Variants in ANXA4 observed in about 807,000 individuals in gnomAD.
The protein encoded by ANXA4 is 35-beta calcimedin.
In ANXA4, 39 loss-of-function variants were observed where a neutral mutation model predicts 49.8. That is an observed-to-expected ratio of 0.78 (90% confidence interval 0.61 to 1.02). The LOEUF (loss-of-function observed/expected upper bound fraction) is 1.02. Among genes scored for constraint, ANXA4 ranks in the 50% least tolerant of loss-of-function variants. ANXA4 has a pLI of 0.00. For missense variants in ANXA4, 360 were observed against 410.1 expected (o/e 0.88, Z 1.05); for synonymous variants, 134 against 152.5 (o/e 0.88, Z 0.89).
intron 2 of ANXA4, among the ~76,000 whole-genome samples, chr2:69,668,455 T>A (rs953968343): frequency 5.3e-4 from 81 of 152,176 alleles, no homozygotes; most frequent in Non-Finnish European, 9.4e-4. Flanking sequence ...CTACAAAAAA[T>A]TTTTTTAAAA....
At position 69,665,057 on chromosome 2, in the gene ANXA4, C is replaced by T. The variant is rs950542062; in HGVS notation, n.766+11775C>T. Among the ~76,000 whole-genome samples the T allele has an allele frequency of 3.3e-5, 5 of 152,096 alleles. No homozygotes were observed. In the South Asian group the frequency reaches 6.2e-4, roughly 19 times the overall value. ...GGTGGAGGTTGCAATGAGCTGAGAT[C>T]GCGCCACTGCATTCTAGCCTGGGTG... On this transcript the variant is annotated intron_variant and non_coding_transcript_variant, in intron 2 of 3. Coordinates refer to the ANXA4 transcript ENST00000418066.
upstream of ANXA4, chr2:69,643,900 G>A (rs1001303521): frequency 1.3e-5 from 15 of 1,167,010 alleles, no homozygotes; most frequent in African/African-American, 1.3e-4. Context: ...AGTCGACCGC[G>A]AGAAGAGGAC....
At chr2:69,707,301 T>G (rs2105399921) in intron 2 of ANXA4, among the ~76,000 whole-genome samples, 1 of 152,342 alleles carries the variant, frequency 6.6e-6, no homozygotes, top group Non-Finnish European at 1.5e-5. Flanking sequence ...TTATCCAATC[T>G]TTCTACTTCT....
At chr2:69,792,219 C>T (rs1271880801) in intron 3 of ANXA4, among the ~76,000 whole-genome samples, 1 of 152,084 alleles carries the variant, frequency 6.6e-6, no homozygotes, top group Non-Finnish European at 1.5e-5. Flanking sequence ...TTTTAGATTA[C>T]CAAAAGTTTT....
intron 2 of ANXA4, among the ~76,000 whole-genome samples, chr2:69,787,848 G>T (rs941980965): frequency 1.3e-5 from 2 of 152,202 alleles, no homozygotes; most frequent in African/African-American, 4.8e-5. Context: ...ATTGTGAATT[G>T]TTGGCTTGTT....
intron 3 of ANXA4, among the ~76,000 whole-genome samples, chr2:69,725,392 A>G (rs906622514): frequency 2.0e-5 from 3 of 148,418 alleles, no homozygotes; most frequent in African/African-American, 7.3e-5. Flanking sequence ...ATTTATATAT[A>G]AATACATGGT....
intron 3 of ANXA4, among the ~76,000 whole-genome samples, chr2:69,802,490 A>C (rs1673245215): frequency 6.6e-6 from 1 of 152,150 alleles, no homozygotes; most frequent in Non-Finnish European, 1.5e-5. Context: ...AGGTGGGCAG[A>C]GCACAAGGTC....
At chr2:69,820,592 A>G in intron 11 of ANXA4, 107 bp from the exon 12 acceptor site, 5 of 1,358,670 alleles carry the variant, frequency 3.7e-6, no homozygotes, top group Non-Finnish European at 5.1e-6. Context: ...AGTGGAGCAA[A>G]GGACATCGTC....
chr2:69,665,706 G>A (rs1193842698), intron 2 of ANXA4, among the ~76,000 whole-genome samples: 2 of 152,114 alleles, frequency 1.3e-5, no homozygotes, highest in Non-Finnish European at 2.9e-5. Flanking sequence ...TGAATCCAAA[G>A]CTTGTAGACA....
intron 2 of ANXA4, among the ~76,000 whole-genome samples, chr2:69,689,744 T>C (rs1482456749): frequency 1.3e-5 from 2 of 152,206 alleles, no homozygotes; most frequent in Non-Finnish European, 2.9e-5. Flanking sequence ...TTTTGTTTCA[T>C]AGGGATTGCT....
At chr2:69,679,767 T>G (rs1337604020) in intron 2 of ANXA4, among the ~76,000 whole-genome samples, 1 of 152,210 alleles carries the variant, frequency 6.6e-6, no homozygotes, top group Non-Finnish European at 1.5e-5. Context: ...GAGGGTGTCC[T>G]TTTCTCAATG....
chr2:69,716,856 A>G (rs897670705), intron 2 of ANXA4, among the ~76,000 whole-genome samples: 1 of 152,234 alleles, frequency 6.6e-6, no homozygotes, highest in Non-Finnish European at 1.5e-5. Context: ...TAGGTTTACT[A>G]AAAGAGATGA....
intron 2 of ANXA4, among the ~76,000 whole-genome samples, chr2:69,658,937 C>G (rs59423694): frequency 5.3e-5 from 8 of 152,150 alleles, no homozygotes; most frequent in Non-Finnish European, 1.2e-4. Context: ...ACCTCATGAT[C>G]CACCCGCCGT....
At chr2:69,653,526 A>G (rs1380123609) in intron 2 of ANXA4, among the ~76,000 whole-genome samples, 1 of 152,174 alleles carries the variant, frequency 6.6e-6, no homozygotes, top group African/African-American at 2.4e-5. Flanking sequence ...CCTGAGAGGA[A>G]AATACCCTAA....
At chr2:69,724,488 G>A (rs1205193205) in intron 3 of ANXA4, among the ~76,000 whole-genome samples, 1 of 152,176 alleles carries the variant, frequency 6.6e-6, no homozygotes, top group African/African-American at 2.4e-5. Flanking sequence ...TTGCAGCCTT[G>A]TGTCCCCAGC....
intron 1 of ANXA4, among the ~76,000 whole-genome samples, chr2:69,649,087 T>C (rs909055502): frequency 2.6e-5 from 4 of 151,868 alleles, no homozygotes; most frequent in African/African-American, 9.7e-5. Context: ...GGTTTCTCCA[T>C]GTTGGTCAGG....
chr2:69,806,088 G>A (rs1018816960), intron 4 of ANXA4, among the ~76,000 whole-genome samples: 1 of 152,134 alleles, frequency 6.6e-6, no homozygotes, highest in African/African-American at 2.4e-5. Context: ...TTTGGTTGGG[G>A]TATATGAAGA....
chr2:69,808,021 G>C (rs374028605), intron 6 of ANXA4, 25 bp downstream of exon 6: 33 of 1,609,868 alleles, frequency 2.0e-5, no homozygotes, highest in African/African-American at 2.7e-5. Context: ...CAGTGGCCCT[G>C]GCTGAGGTTT....
intron 3 of ANXA4, among the ~76,000 whole-genome samples, chr2:69,793,645 G>C (rs79880532): frequency 0.076 from 11,532 of 152,142 alleles, 1,179 homozygotes; most frequent in Admixed American, 0.22. Context: ...CAGCTTCCAG[G>C]GCCTAATAAG....
Sources: allele counts gnomAD v4.1 joint callset (sites outside exome capture counted in the v4.1 genomes callset), GRCh38; gene constraint gnomAD v4.1.1; transcripts MANE v1.5; gene names NCBI Gene and HGNC (gene_info 2026-07-23, HGNC 2026-07-21).